Variants in XPO5 observed in about 807,000 individuals in gnomAD.
XPO5 encodes exportin-5.
In XPO5, 46 loss-of-function variants were observed where a neutral mutation model predicts 160.6. The observed-to-expected ratio is 0.29, with a 90% CI of 0.23 to 0.37. XPO5 has a LOEUF of 0.37. Among genes scored for constraint, XPO5 ranks in the 10% least tolerant of loss-of-function variants. The pLI is 1.00. For synonymous variants in XPO5, 537 were observed against 519.3 expected (o/e 1.03, Z -0.46); for missense variants, 1,090 against 1,463.9 (o/e 0.74, Z 4.17).
Position 43,549,796 on chromosome 6 carries a change from C to G in XPO5, c.1770+97G>C. 3.7e-6 allele frequency: 5 copies of G among 1,339,976 alleles called. No homozygotes were observed. In the African/African-American group the frequency reaches 4.4e-5, roughly 12 times the overall value. 83.0% of individuals were successfully genotyped at this position (1,339,976 alleles called of 1,614,324 possible). ...ATATGATAATCTACCACCCTTACTA[C>G]CCCCTCCCATTTATATAAAAATATA... On this transcript the variant is annotated intron_variant, in intron 16 of 31. Coordinates refer to ENST00000265351, the MANE Select transcript of XPO5 (RefSeq NM_020750.3).
At position 43,570,519 on chromosome 6, in the gene XPO5, T is replaced by G; in HGVS notation, c.604A>C (p.Asn202His). The change falls in exon 5 of 32, where the codon AAC (asparagine) becomes CAC (histidine). Residue 202 changes from asparagine (N) to histidine (H), a missense_variant. Asn to His is a moderately conservative substitution (Grantham distance 68, BLOSUM62 1). Around this residue, in one of 3 missense-constraint regions of XPO5, gnomAD observed 110 missense variants for 97.9 expected, o/e 1.12. Coordinates refer to ENST00000265351, the MANE Select transcript of XPO5 (RefSeq NM_020750.3). ...FLLNTLQENV[N>H]KYQQVKTDTS... is the part of the protein sequence containing the mutation. ...TCCCTTACCACTTGCTGATACTTGTTTACATTTTCTTGAAGTGTGTTAAGC... is the reference window on the plus strand; with the variant it reads ...TCCCTTACCACTTGCTGATACTTGTGTACATTTTCTTGAAGTGTGTTAAGC... 1 of 1,613,342 alleles carries G rather than the reference T, an allele frequency of 6.2e-7. No homozygotes were observed. The highest frequency in any genetic ancestry group is 8.5e-7 in the Non-Finnish European group (1 of 1,179,698).
intron 2 of XPO5, 147 bp downstream of exon 2, chr6:43,573,333 G>A (rs1272778964): frequency 9.4e-7 from 1 of 1,058,768 alleles, no homozygotes; most frequent in African/African-American, 1.6e-5. Flanking sequence ...GAGAGCTCCT[G>A]TGAGGTTCTG....
At chr6:43,536,697 T>G (rs1423983183) in intron 20 of XPO5, among the ~76,000 whole-genome samples, 4 of 130,252 alleles carry the variant, frequency 3.1e-5, no homozygotes, top group African/African-American at 1.2e-4. Flanking sequence ...GAGGCAGAGG[T>G]TGCAGTGAGC....
At chr6:43,565,772 C>G (rs1762666244) in intron 7 of XPO5, 36 bp from the exon 8 acceptor site, 3 of 1,500,166 alleles carry the variant, frequency 2.0e-6, no homozygotes, top group Non-Finnish European at 2.7e-6. Flanking sequence ...GTCATATAAA[C>G]TATACTTCAA....
At chr6:43,532,078 A>G (rs920645586) in intron 21 of XPO5, among the ~76,000 whole-genome samples, 4 of 152,180 alleles carry the variant, frequency 2.6e-5, no homozygotes, top group African/African-American at 9.7e-5. Flanking sequence ...TGTCCATTCT[A>G]GTATTTCTGG....
intron 27 of XPO5, 177 bp from the exon 28 acceptor site, chr6:43,526,098 A>G (rs1793569926): frequency 6.5e-6 from 4 of 615,468 alleles, no homozygotes. Flanking sequence ...CTGATCTTCT[A>G]GAGATGCACT....
chr6:43,549,606 A>G, intron 16 of XPO5, 28 bp from the exon 17 acceptor site: 1 of 1,606,978 alleles, frequency 6.2e-7, no homozygotes, highest in Non-Finnish European at 8.5e-7. Context: ...ACAAACTCGG[A>G]GCTGCTTTTA....
chr6:43,575,823 C>A lies in XPO5; in HGVS notation c.42G>T (p.Val14=), dbSNP rs1158773184. 6.2e-6 allele frequency: 10 copies of A among 1,613,718 alleles called. No individual in the cohort carries two copies. The highest frequency in any genetic ancestry group is 8.5e-6 in the Non-Finnish European group (10 of 1,179,774). Residue 14 remains valine (V), a synonymous_variant, in exon 1 of 32, where the codon GTG becomes GTT. Coordinates refer to ENST00000265351, the MANE Select transcript of XPO5 (RefSeq NM_020750.3). The part of the protein sequence containing the change: ...DQVNALCEQL[V]KAVTVMMDPN... ...GGTCCATCATGACCGTCACCGCTTT[C>A]ACCAGCTGCTCGCACAGCGCGTTTA...
At chr6:43,562,717 G>C (rs1469200993) in intron 8 of XPO5, among the ~76,000 whole-genome samples, 2 of 152,182 alleles carry the variant, frequency 1.3e-5, no homozygotes, top group Non-Finnish European at 2.9e-5. Context: ...AATCTCTGGA[G>C]TTTGACTACC....
chr6:43,538,735 AGCCTC>A lies in XPO5; in HGVS notation c.2343-4733_2343-4729del, dbSNP rs1794504146. The A allele has an allele frequency of 7.8e-6, 4 of 511,094 alleles. No homozygotes were observed. The African/African-American group carries it at 7.9e-5, about 10-fold the overall frequency. 31.7% of individuals were successfully genotyped at this position (511,094 alleles called of 1,614,324 possible). A position where few individuals can be genotyped will look rare whatever the true frequency, so the allele number is the denominator to read the frequency against. On this transcript the variant is annotated intron_variant, in intron 20 of 31. Transcript: ENST00000265351. ...TCTGGTTTTGGTATCAAAATAAATA[AGCCTC>A]ATAAAATGAGTTATGGAGCACTACA...
rs187505492 is a variant in XPO5 at position 43,562,485 on chromosome 6, A to T, written c.912-139T>A. ...TTCCAATAGCTTTGCTAAATTAAAA[A>T]TTTTTTAAAATCTTTTTAACTTATT... On this transcript the variant is annotated intron_variant, in intron 8 of 31. Transcript: ENST00000265351. The T allele has an allele frequency of 6.3e-4, 427 of 678,628 alleles. 4 individuals are homozygous for T. In the East Asian group the frequency reaches 7.3e-3, roughly 12 times the overall value. The allele number at this position is 678,628 out of a possible 1,614,324, so 42.0% of individuals were successfully genotyped here.
intron 12 of XPO5, among the ~76,000 whole-genome samples, chr6:43,557,785 A>T (rs1404115810): frequency 0.074 from 427 of 5,802 alleles, 3 homozygotes; most frequent in South Asian, 0.25. Flanking sequence ...TAAAGCTGTA[A>T]AAAAAAAAAA....
chr6:43,525,993 C>T (rs749415807), intron 27 of XPO5, 72 bp from the exon 28 acceptor site: 73 of 1,555,796 alleles, frequency 4.7e-5, no homozygotes, highest in Middle Eastern at 3.7e-4. Context: ...CTGACAGAAG[C>T]GCAAAAAACA....
Position 43,560,179 on chromosome 6 carries a change from T to G in XPO5, c.1220A>C (p.Lys407Thr). ...CATGTTTAGATTCCCATTATATACC[T>G]TGACCAAGTTAGTCATGGAAGCACG... ...YLRASMTNLV[K>T]MGFPSKTDSP... is the part of the protein sequence containing the mutation. The change falls in exon 11 of 32, where the codon AAG becomes ACG. Residue 407 changes from lysine to threonine, a missense_variant and splice_region_variant. By Grantham distance (78) the Lys-to-Thr change is moderately conservative. Around this residue, in one of 3 missense-constraint regions of XPO5, gnomAD observed 810 missense variants for 1,139.0 expected, o/e 0.71. Transcript: ENST00000265351. The G allele has an allele frequency of 6.2e-7, 1 of 1,612,550 alleles. No individual in the cohort carries two copies. The highest frequency in any genetic ancestry group is 8.5e-7 in the Non-Finnish European group (1 of 1,179,156).
At chr6:43,573,751 G>A in intron 1 of XPO5, 150 bp from the exon 2 acceptor site, 2 of 843,772 alleles carry the variant, frequency 2.4e-6, no homozygotes, top group Non-Finnish European at 3.4e-6. Context: ...GACTACTTGA[G>A]TCTAGGAGTC....
At chr6:43,547,510 C>T in intron 19 of XPO5, 98 bp downstream of exon 19, 1 of 1,084,500 alleles carries the variant, frequency 9.2e-7, no homozygotes, top group Non-Finnish European at 1.4e-6. Context: ...CGTTTCTCAC[C>T]AGTATAGAAA....
At chr6:43,525,708 T>C (rs1255302781) in intron 28 of XPO5, 131 bp downstream of exon 28, 1 of 993,038 alleles carries the variant, frequency 1.0e-6, no homozygotes, top group South Asian at 1.8e-5. Context: ...TTCTGGGGCC[T>C]TTGGAACCAG....
chr6:43,569,857 T>C (rs966797472), intron 5 of XPO5, among the ~76,000 whole-genome samples: 57 of 150,584 alleles, frequency 3.8e-4, no homozygotes, highest in African/African-American at 1.2e-3. Context: ...GCAAGGTGGG[T>C]AGACCACCTG....
intron 17 of XPO5, among the ~76,000 whole-genome samples, chr6:43,548,939 A>C (rs1462666984): frequency 2.6e-5 from 4 of 152,148 alleles, no homozygotes; most frequent in Non-Finnish European, 5.9e-5. Context: ...AGAGTTGTAG[A>C]ATTATAGGGG....
Sources: gnomAD v4.1 joint callset for allele counts (sites outside exome capture counted in the v4.1 genomes callset) on GRCh38, gnomAD v4.1.1 for gene constraint, gnomAD v4.1.1 regional missense constraint, MANE v1.5 for transcripts, NCBI Gene and HGNC (gene_info 2026-07-23, HGNC 2026-07-21) for gene names.